The following PCDHGA10 variants were observed in gnomAD, a reference collection of about 807,000 sequenced individuals.
PCDHGA10 encodes protocadherin gamma subfamily A, 10, also known as protocadherin gamma-A10.
A neutral mutation model predicts 59.5 loss-of-function variants in PCDHGA10; 42 were observed. That is an observed-to-expected ratio of 0.71 (90% CI 0.55 to 0.91). PCDHGA10 has a LOEUF of 0.91. PCDHGA10 is among the 40% of genes least tolerant of loss of function. The pLI is 0.00. For synonymous variants in PCDHGA10, 511 were observed against 517.2 expected, an observed-to-expected ratio of 0.99 and a Z score of 0.16; for missense variants, 1,111 against 1,198.2, an observed-to-expected ratio of 0.93 and a Z score of 1.07.
Position 141,491,466 on chromosome 5 carries a change from T to G in PCDHGA10, c.2437-3341T>G. The G allele has an allele frequency of 6.2e-7, 1 of 1,614,068 alleles. No individual in the cohort carries two copies. Among genetic ancestry groups the G allele is most frequent in the Non-Finnish European group, 8.5e-7 (1 of 1,179,986 alleles). ...AGGACTCACCCTCCCCGGACTTCTA[T>G]AAGCAGTCCAGCCCCAACCTGCAGG... On this transcript the variant is annotated intron_variant, in intron 1 of 3. Coordinates refer to ENST00000398610, the MANE Select transcript of PCDHGA10 (RefSeq NM_018913.3). This position sits in a 1 kb window ranked among gnomAD's most constrained non-coding sequence, Gnocchi z 6.9.
intron 1 of PCDHGA10, chr5:141,440,652 C>T (rs755275974): frequency 6.6e-6 from 1 of 152,160 alleles, no homozygotes; most frequent in Non-Finnish European, 1.5e-5. Flanking sequence ...AAAATTATCA[C>T]CTTAGCAGCA....
intron 1 of PCDHGA10, among the ~76,000 whole-genome samples, chr5:141,436,424 T>C (rs2154557109): frequency 6.6e-6 from 1 of 152,322 alleles, no homozygotes; most frequent in Middle Eastern, 3.4e-3. Context: ...AAACAAATAA[T>C]GTACTCTGGG....
rs767474996 is a variant in PCDHGA10 at position 141,415,055 on chromosome 5, C to T, written c.1880C>T (p.Thr627Met). The change falls in exon 1 of 4, where the codon ACG becomes ATG. Residue 627 changes from threonine to methionine, a missense_variant. Physicochemically the swap from Thr to Met is moderately conservative, Grantham distance 81. Transcript: ENST00000398610. ...EPGLFAVGEHTGEVRTARALL... is the reference protein window; with the variant it reads ...EPGLFAVGEHMGEVRTARALL... ...GGACTCTTCGCGGTGGGGGAGCACA[C>T]GGGCGAGGTGCGCACGGCGCGAGCC... 6.2e-7 allele frequency: 1 copy of T among 1,613,400 alleles called. No homozygotes were observed. Among genetic ancestry groups the T allele is most frequent in the African/African-American group, 1.3e-5 (1 of 75,068 alleles).
chr5:141,424,776 A>G (rs1406581367), intron 1 of PCDHGA10: 2 of 152,154 alleles, frequency 1.3e-5, no homozygotes, highest in African/African-American at 4.8e-5. Context: ...CAAATAGTAC[A>G]TTCAGTTCTT....
In PCDHGA10 at chr5:141,490,935, G is replaced by A. The variant is rs1371144225; in HGVS notation, c.2437-3872G>A. On this transcript the variant is annotated intron_variant, in intron 1 of 3. Transcript: ENST00000398610. The surrounding 1 kb of genome is among the most constrained non-coding windows in gnomAD (Gnocchi z 5.4). ...AGAATGATAATGCCCCAGCTGTGCTGCACCCACGGCCAGACTGGGAACACT... is the reference window on the plus strand; with the variant it reads ...AGAATGATAATGCCCCAGCTGTGCTACACCCACGGCCAGACTGGGAACACT... 1.9e-6 allele frequency: 3 copies of A among 1,613,638 alleles called. No homozygotes were observed. The highest frequency in any genetic ancestry group is 2.2e-5 in the South Asian group (2 of 91,032).
intron 1 of PCDHGA10, among the ~76,000 whole-genome samples, chr5:141,467,960 C>T (rs1303642319): frequency 6.6e-6 from 1 of 151,998 alleles, no homozygotes; most frequent in Non-Finnish European, 1.5e-5. Flanking sequence ...CACCCGGCTG[C>T]CAGAAAATTT....
At chr5:141,464,415 C>A (rs1185416197) in intron 1 of PCDHGA10, among the ~76,000 whole-genome samples, 2 of 150,854 alleles carry the variant, frequency 1.3e-5, no homozygotes, top group Admixed American at 6.6e-5. Context: ...ATATATATAT[C>A]TATATATATA....
At chr5:141,436,305 T>C (rs2097810667) in intron 1 of PCDHGA10, among the ~76,000 whole-genome samples, 1 of 152,184 alleles carries the variant, frequency 6.6e-6, no homozygotes. Flanking sequence ...AGTTAGAGCA[T>C]GAATAGTCAA....
chr5:141,480,578 A>G (rs1343189182), intron 1 of PCDHGA10, among the ~76,000 whole-genome samples: 1 of 133,254 alleles, frequency 7.5e-6, no homozygotes, highest in Admixed American at 7.4e-5. Context: ...GCAAGAAATA[A>G]CTGCCGCTCT....
Position 141,415,458 on chromosome 5 carries a change from C to T in PCDHGA10, c.2283C>T (p.Val761=). The T allele has an allele frequency of 3.1e-6, 5 of 1,614,204 alleles. No individual in the cohort carries two copies. The highest frequency in any genetic ancestry group is 4.2e-6 in the Non-Finnish European group (5 of 1,180,044). The change falls in exon 1 of 4, where the codon GTC becomes GTT. Residue 761 remains valine (V), a synonymous_variant. Transcript: ENST00000398610. ...RAFLQTYSHE[V]SLTADSRKSH... ...TCCTGCAGACCTATTCCCACGAGGT[C>T]TCTCTCACCGCGGACTCGCGAAAGA... is the stretch of plus-strand genomic sequence containing the variant.
rs1022516458 is a variant in PCDHGA10, at chr5:141,476,612, A to G, written c.2437-18195A>G. The G allele has an allele frequency of 1.2e-6, 2 of 1,614,236 alleles. No individual in the cohort carries two copies. The highest frequency in any genetic ancestry group is 2.2e-5 in the South Asian group (2 of 91,080). ...GAGCGCGCACGATCCCGATGTGGGA[A>G]GCAACTCTTTACAAACCTATGAGCT... On this transcript the variant is annotated intron_variant, in intron 1 of 3. Transcript: ENST00000398610. The surrounding 1 kb of genome is among the most constrained non-coding windows in gnomAD (Gnocchi z 7.6).
At chr5:141,509,670 T>G (rs2099877782) in intron 3 of PCDHGA10, among the ~76,000 whole-genome samples, 1 of 152,136 alleles carries the variant, frequency 6.6e-6, no homozygotes, top group African/African-American at 2.4e-5. Flanking sequence ...TGGGCCCCAG[T>G]TTCTTCTTCT....
At chr5:141,430,653 A>G (rs2097300223) in intron 1 of PCDHGA10, 4 of 1,073,410 alleles carry the variant, frequency 3.7e-6, no homozygotes, top group Middle Eastern at 2.4e-4. Context: ...TGTGGAAACA[A>G]CGGAGGAGCT....
chr5:141,454,101 A>T (rs2098781558), intron 1 of PCDHGA10, among the ~76,000 whole-genome samples: 1 of 152,256 alleles, frequency 6.6e-6, no homozygotes. Flanking sequence ...ATTGAACATA[A>T]ATGGAGTTAT....
At chr5:141,505,044 C>G (rs1446394128) in intron 2 of PCDHGA10, among the ~76,000 whole-genome samples, 3 of 152,156 alleles carry the variant, frequency 2.0e-5, no homozygotes, top group African/African-American at 7.2e-5. Context: ...TGCCTGTCAT[C>G]CCAGCTACTT....
At position 141,490,370 on chromosome 5, in the gene PCDHGA10, G is replaced by C. The variant is rs768474199; in HGVS notation, c.2437-4437G>C. ...GTGGGGTTGTTTAATGTGCGAGACC[G>C]GGACTCAGGTAGAAATGGTGAAGTG... On this transcript the variant is annotated intron_variant, in intron 1 of 3. Coordinates refer to ENST00000398610, the MANE Select transcript of PCDHGA10 (RefSeq NM_018913.3). The surrounding 1 kb of genome is among the most constrained non-coding windows in gnomAD (Gnocchi z 5.4). 1 of 1,614,172 alleles carries C rather than the reference G, an allele frequency of 6.2e-7. No individual in the cohort carries two copies. Among genetic ancestry groups the C allele is most frequent in the Admixed American group, 1.7e-5 (1 of 60,026 alleles).
At chr5:141,468,160 G>C (rs2099158881) in intron 1 of PCDHGA10, among the ~76,000 whole-genome samples, 1 of 151,468 alleles carries the variant, frequency 6.6e-6, no homozygotes, top group African/African-American at 2.4e-5. Context: ...CCCTGTCTCT[G>C]CTAAAAATAG....
intron 1 of PCDHGA10, chr5:141,427,842 C>T: frequency 6.5e-7 from 1 of 1,549,268 alleles, no homozygotes. Flanking sequence ...TGCCTTCGAC[C>T]ACGAGCAGCT....
chr5:141,439,796 G>A (rs980000701), intron 1 of PCDHGA10: 1 of 152,318 alleles, frequency 6.6e-6, no homozygotes. Flanking sequence ...AATCCAAGAA[G>A]AGTTTGAAAA....
Sources: allele counts gnomAD v4.1 joint callset (sites outside exome capture counted in the v4.1 genomes callset), GRCh38; gene constraint gnomAD v4.1.1; non-coding constraint Gnocchi (gnomAD v3.1); transcripts MANE v1.5; gene names NCBI Gene and HGNC (gene_info 2026-07-23, HGNC 2026-07-21).